CILK1: variants seen among roughly 807,000 people sequenced by gnomAD.
CILK1 encodes serine/threonine-protein kinase ICK.
In CILK1, 47 loss-of-function variants were observed where a neutral mutation model predicts 79.2. That is an observed-to-expected ratio of 0.59 (90% CI 0.47 to 0.76). The LOEUF is 0.76. CILK1 is among the 30% of genes least tolerant of loss of function. The probability of loss-of-function intolerance (pLI) is 0.00; values close to 1 mark genes in which losing one functional copy is unlikely to be tolerated. For synonymous variants in CILK1, 266 were observed against 275.9 expected (o/e 0.96, Z 0.36); for missense variants, 660 against 769.5 (o/e 0.86, Z 1.68).
intron 1 of CILK1, among the ~76,000 whole-genome samples, chr6:53,058,453 T>C (rs1169811472): frequency 6.6e-6 from 1 of 152,194 alleles, no homozygotes; most frequent in African/African-American, 2.4e-5. Context: ...TGTGCTTTTA[T>C]AAGGAAGTTA....
At chr6:53,035,251 C>T (rs751762959) in intron 3 of CILK1, among the ~76,000 whole-genome samples, 1 of 151,588 alleles carries the variant, frequency 6.6e-6, no homozygotes, top group African/African-American at 2.4e-5. Flanking sequence ...GGGAGAAGGG[C>T]TTGGGACTTT....
chr6:53,031,305 CA>C (rs1053864880), intron 4 of CILK1, among the ~76,000 whole-genome samples, 161 bp from the exon 5 acceptor site: 4 of 151,632 alleles, frequency 2.6e-5, no homozygotes, highest in African/African-American at 7.3e-5. Context: ...GATAGTAAGC[CA>C]AAAAAAAGTT....
intron 12 of CILK1, among the ~76,000 whole-genome samples, chr6:53,008,544 C>T (rs1764375840): frequency 6.6e-6 from 1 of 152,046 alleles, no homozygotes; most frequent in Non-Finnish European, 1.5e-5. Flanking sequence ...CCTGCCTCAG[C>T]CTCCTGAGTA....
chr6:53,014,927 A>G (rs947028784), intron 8 of CILK1, among the ~76,000 whole-genome samples: 8 of 152,234 alleles, frequency 5.3e-5, no homozygotes, highest in Non-Finnish European at 8.8e-5. Context: ...GGGTTCATCC[A>G]AAAGCTTCTT....
rs1325195892 is a variant in CILK1 at position 53,002,642 on chromosome 6, T to C, written c.*2507A>G. ...AGGAAGAGTAATTCACAGCATTTGC[T>C]AGTTAAAATTTGTTTTTTCAGTCCT... On this transcript the variant is annotated 3_prime_UTR_variant, in exon 14 of 14. Transcript: ENST00000676107. 6.6e-6 allele frequency: 1 copy of C among 152,230 alleles called. No individual in the cohort carries two copies. Among genetic ancestry groups the C allele is most frequent in the African/African-American group, 2.4e-5 (1 of 41,452 alleles). The allele number at this position is 152,230 out of a possible 1,614,324, so 9.4% of individuals were successfully genotyped here.
intron 7 of CILK1, 86 bp from the exon 8 acceptor site, chr6:53,016,336 A>G: frequency 7.3e-7 from 1 of 1,365,694 alleles, no homozygotes; most frequent in Non-Finnish European, 1.0e-6. Context: ...CCAAATGGAA[A>G]GGCAACCATG....
Position 53,019,340 on chromosome 6 carries a change from T to C in CILK1, c.378A>G (p.Leu126=), listed in dbSNP as rs777625918. The change falls in exon 6 of 14, where the codon TTA becomes TTG. Residue 126 remains leucine (L), a synonymous_variant. Coordinates refer to ENST00000676107, the MANE Select transcript of CILK1 (RefSeq NM_014920.5). ...IHKHGFFHRD[L]KPENLLCMGP... is the part of the protein sequence containing the mutation. ...CCATGCAGAGGAGGTTCTCAGGCTT[T>C]AAGTCTCGATGAAAGAAGCCTATAG... 4 of 1,614,014 alleles carry C rather than the reference T, an allele frequency of 2.5e-6. No homozygotes were observed. Among genetic ancestry groups the C allele is most frequent in the Non-Finnish European group, 3.4e-6 (4 of 1,179,996 alleles).
Position 53,005,090 on chromosome 6 carries a change from C to T in CILK1, c.*59G>A. On this transcript the variant is annotated 3_prime_UTR_variant, in exon 14 of 14. Transcript: ENST00000676107. ...CACATCTTGCAGGTAGAACACCAGTCAGCTGAGGGAAAGTATCCTGCTTCT... is the reference window on the plus strand; with the variant it reads ...CACATCTTGCAGGTAGAACACCAGTTAGCTGAGGGAAAGTATCCTGCTTCT... 6.3e-7 allele frequency: 1 copy of T among 1,596,994 alleles called. No homozygotes were observed. The highest frequency in any genetic ancestry group is 2.2e-5 in the East Asian group (1 of 44,812).
chr6:53,060,501 G>A (rs1359900816), intron 1 of CILK1, among the ~76,000 whole-genome samples: 1 of 152,168 alleles, frequency 6.6e-6, no homozygotes, highest in Non-Finnish European at 1.5e-5. Context: ...AGAGAATGGG[G>A]AATGGTACCG....
At chr6:53,022,356 T>A (rs1056653440) in intron 5 of CILK1, among the ~76,000 whole-genome samples, 11 of 152,182 alleles carry the variant, frequency 7.2e-5, no homozygotes, top group East Asian at 1.9e-4. Context: ...TTTAAAAAAA[T>A]TTTTTATACT....
At position 53,036,113 on chromosome 6, in the gene CILK1, C is replaced by T. The variant is rs181670679; in HGVS notation, c.156+1826G>A. Among the ~76,000 whole-genome samples the T allele has an allele frequency of 3.8e-3, 578 of 152,280 alleles. 7 individuals are homozygous for T. Among genetic ancestry groups the T allele is most frequent in the South Asian group, 1.2e-3 (6 of 4,824 alleles). On this transcript the variant is annotated intron_variant, in intron 3 of 13. Coordinates refer to ENST00000676107, the MANE Select transcript of CILK1 (RefSeq NM_014920.5). ...CACTTGCTTCCTAAGACACTATGTG[C>T]CCATAGTTTTTCTAAACTGTATATA...
intron 4 of CILK1, 49 bp downstream of exon 4, chr6:53,032,484 T>G: frequency 7.6e-7 from 1 of 1,315,724 alleles, no homozygotes; most frequent in Middle Eastern, 2.1e-4. Flanking sequence ...AAAACACATC[T>G]GCTTTGCCTA....
chr6:53,007,109 T>A (rs979532991), intron 12 of CILK1, among the ~76,000 whole-genome samples: 1 of 152,240 alleles, frequency 6.6e-6, no homozygotes, highest in Non-Finnish European at 1.5e-5. Flanking sequence ...GGTGAATGAA[T>A]ATAATTCTTA....
rs983614354 is a variant in CILK1 at position 53,013,875 on chromosome 6, T to A, written c.939A>T (p.Pro313=). 10 of 1,613,880 alleles carry A rather than the reference T, an allele frequency of 6.2e-6. No individual in the cohort carries two copies. The African/African-American group carries it at 1.2e-4, about 19-fold the overall frequency. Residue 313 remains proline (P), a synonymous_variant, in exon 9 of 14, where the codon CCA becomes CCT. Coordinates refer to ENST00000676107, the MANE Select transcript of CILK1 (RefSeq NM_014920.5). ...GTGGGACTGGCTTAATATAAGGAGG[T>A]GGGCCTGCCTTTTCCAGGATGCCTT... ...PQKGILEKAG[P]PPYIKPVPPA... is the part of the protein sequence containing the mutation.
chr6:53,020,711 G>T (rs1271224561), intron 5 of CILK1, among the ~76,000 whole-genome samples: 2 of 152,104 alleles, frequency 1.3e-5, no homozygotes. Context: ...GTGAAAGCTG[G>T]ATTCTAACTA....
chr6:53,013,432 C>T (rs1247590913), intron 9 of CILK1, among the ~76,000 whole-genome samples: 1 of 152,226 alleles, frequency 6.6e-6, no homozygotes, highest in East Asian at 1.9e-4. Flanking sequence ...CTCCCAGCCA[C>T]TACCCTATAG....
chr6:53,007,572 C>G (rs757810083), intron 12 of CILK1, among the ~76,000 whole-genome samples: 1 of 152,084 alleles, frequency 6.6e-6, no homozygotes, highest in Non-Finnish European at 1.5e-5. Context: ...TCCCATATCC[C>G]GCTGGAGAGC....
intron 9 of CILK1, 50 bp downstream of exon 9, chr6:53,013,612 G>A: frequency 1.4e-5 from 21 of 1,531,740 alleles, no homozygotes; most frequent in Non-Finnish European, 1.9e-5. Context: ...AATGGGGTCA[G>A]AAGAGGAATA....
At position 53,016,527 on chromosome 6, in the gene CILK1, G is replaced by A. The variant is rs145422167; in HGVS notation, c.664-277C>T. Among the ~76,000 whole-genome samples the A allele has an allele frequency of 7.0e-3, 1,066 of 152,126 alleles. 6 individuals are homozygous for A. The highest frequency in any genetic ancestry group is 0.011 in the Non-Finnish European group (739 of 68,002). On this transcript the variant is annotated intron_variant, in intron 7 of 13. Coordinates refer to ENST00000676107, the MANE Select transcript of CILK1 (RefSeq NM_014920.5). ...CATAAGAGATTCTCTTGAGATTTTG[G>A]GATTGAAACAAATTAATATTTCCCC... is the stretch of plus-strand genomic sequence containing the variant.
Sources: allele counts gnomAD v4.1 joint callset (sites outside exome capture counted in the v4.1 genomes callset), GRCh38; gene constraint gnomAD v4.1.1; transcripts MANE v1.5; gene names NCBI Gene and HGNC (gene_info 2026-07-23, HGNC 2026-07-21).